Variants in MEF2C observed in about 807,000 individuals in gnomAD.
The protein encoded by MEF2C is myocyte-specific enhancer factor 2C.
Under a neutral mutation model 50.5 loss-of-function variants are expected in MEF2C, and 6 were observed. The ratio of observed to expected loss-of-function variants is 0.12; its 90% confidence interval spans 0.07 to 0.23. The LOEUF is 0.23. MEF2C is among the 10% of genes least tolerant of loss of function. The pLI is 1.00. For missense variants in MEF2C, 276 were observed against 605.0 expected (o/e 0.46, Z 5.70); for synonymous variants, 183 against 228.0 (o/e 0.80, Z 1.78).
At position 88,732,041 on chromosome 5, in the gene MEF2C, C is replaced by G. The variant is rs557119525; in HGVS notation, c.638-140G>C. The G allele has an allele frequency of 5.1e-5, 39 of 768,220 alleles. 1 individual carries two copies. The South Asian group carries it at 5.8e-4, about 11-fold the overall frequency. The allele number at this position is 768,220 out of a possible 1,614,324, so 47.6% of individuals were successfully genotyped here. A position where few individuals can be genotyped will look rare whatever the true frequency, so the allele number is the denominator to read the frequency against. ...AACCATAGGATGACTGATTTGACCTCCATGGGACAAGTAACCCAATTAAGT... is the reference window on the plus strand; with the variant it reads ...AACCATAGGATGACTGATTTGACCTGCATGGGACAAGTAACCCAATTAAGT... On this transcript the variant is annotated intron_variant, in intron 6 of 10. Transcript: ENST00000504921.
At chr5:88,734,561 G>GTTTTTTTTTTTTTTTTTTTTTTTTTTTTT (rs1554103551) in intron 6 of MEF2C, 1 of 244,240 alleles carries the variant, frequency 4.1e-6, no homozygotes. Context: ...CTTGAGAAAA[G>GTTTTTTTTTTTTTTTTTTTTTTTTTTTTT]TTTGTTTTTT....
intron 10 of MEF2C, among the ~76,000 whole-genome samples, chr5:88,725,494 G>A (rs140394531): frequency 6.6e-6 from 1 of 152,158 alleles, no homozygotes; most frequent in Non-Finnish European, 1.5e-5. Flanking sequence ...TGGTCTACTT[G>A]AGAACAAAAT....
At chr5:88,794,962 G>A (rs1170167973) in intron 3 of MEF2C, among the ~76,000 whole-genome samples, 1 of 152,078 alleles carries the variant, frequency 6.6e-6, no homozygotes, top group Non-Finnish European at 1.5e-5. Flanking sequence ...TAGATGTGTG[G>A]CATTATTTCT....
chr5:88,763,460 T>C (rs1045124803), intron 3 of MEF2C, among the ~76,000 whole-genome samples: 1 of 152,236 alleles, frequency 6.6e-6, no homozygotes, highest in Non-Finnish European at 1.5e-5. Context: ...ATAACTATTG[T>C]ATTATGATGT....
At chr5:88,872,250 C>G (rs980640521) in intron 1 of MEF2C, among the ~76,000 whole-genome samples, 1 of 152,026 alleles carries the variant, frequency 6.6e-6, no homozygotes, top group Non-Finnish European at 1.5e-5. Flanking sequence ...AACATTTCCT[C>G]CAAACTGAAC....
intron 3 of MEF2C, among the ~76,000 whole-genome samples, chr5:88,769,051 C>T (rs747374032): frequency 3.0e-4 from 46 of 152,036 alleles, no homozygotes; most frequent in Non-Finnish European, 1.0e-4. Context: ...AAAAGTGTAG[C>T]TGAAAGAGGG....
intron 1 of MEF2C, among the ~76,000 whole-genome samples, chr5:88,901,726 T>C (rs947664106): frequency 2.8e-4 from 43 of 152,096 alleles, no homozygotes; most frequent in Non-Finnish European, 5.3e-4. Context: ...ATAGGTTTTT[T>C]TGTGACACAA....
chr5:88,773,379 C>A (rs774501412), intron 3 of MEF2C, among the ~76,000 whole-genome samples: 6 of 152,180 alleles, frequency 3.9e-5, no homozygotes, highest in Non-Finnish European at 7.4e-5. Flanking sequence ...ACCCCACCAT[C>A]CCCCATCCTC....
intron 1 of MEF2C, chr5:88,881,164 G>A (rs962383861): frequency 2.6e-5 from 4 of 152,148 alleles, no homozygotes; most frequent in Non-Finnish European, 5.9e-5. Flanking sequence ...TTAAGCAAAT[G>A]TTATGTTTAA....
intron 1 of MEF2C, among the ~76,000 whole-genome samples, chr5:88,857,931 A>C (rs1824054278): frequency 6.6e-6 from 1 of 152,248 alleles, no homozygotes; most frequent in Admixed American, 6.5e-5. Context: ...TTATGGTCCA[A>C]GTCTAGAGGA....
chr5:88,811,450 T>TC (rs1290833222), intron 2 of MEF2C, among the ~76,000 whole-genome samples: 1 of 152,120 alleles, frequency 6.6e-6, no homozygotes, highest in Non-Finnish European at 1.5e-5. Context: ...TAGAAGGGGC[T>TC]CCTGAATTAA....
chr5:88,845,172 T>C (rs543687766), intron 1 of MEF2C, among the ~76,000 whole-genome samples: 2 of 152,336 alleles, frequency 1.3e-5, no homozygotes, highest in Admixed American at 1.3e-4. Context: ...GAATGAACAT[T>C]ACAAATAACG....
At chr5:88,738,160 G>T in intron 6 of MEF2C, 5 of 985,270 alleles carry the variant, frequency 5.1e-6, no homozygotes, top group Non-Finnish European at 6.0e-6. Context: ...ACCCTACAGA[G>T]CCTTAGTTTT....
chr5:88,807,338 C>T (rs1190166212), intron 2 of MEF2C, among the ~76,000 whole-genome samples: 1 of 152,160 alleles, frequency 6.6e-6, no homozygotes, highest in Non-Finnish European at 1.5e-5. Flanking sequence ...ATCCTCCCGC[C>T]TCAACCTCCG....
At chr5:88,848,946 T>C (rs1820287852) in intron 1 of MEF2C, among the ~76,000 whole-genome samples, 1 of 151,612 alleles carries the variant, frequency 6.6e-6, no homozygotes, top group African/African-American at 2.4e-5. Context: ...AGGTCAGGAG[T>C]TCGAGACCAG....
At chr5:88,857,557 G>A (rs1031774780) in intron 1 of MEF2C, among the ~76,000 whole-genome samples, 4 of 152,160 alleles carry the variant, frequency 2.6e-5, no homozygotes, top group Admixed American at 1.3e-4. Flanking sequence ...GTCTTATCTC[G>A]AATTATAGGT....
intron 1 of MEF2C, among the ~76,000 whole-genome samples, chr5:88,871,028 AAT>A (rs1329418818): frequency 6.6e-6 from 1 of 152,106 alleles, no homozygotes; most frequent in Non-Finnish European, 1.5e-5. Context: ...CAGTTGGCTC[AAT>A]AGCGGTAGAG....
At chr5:88,775,039 G>A (rs967769028) in intron 3 of MEF2C, among the ~76,000 whole-genome samples, 1 of 152,182 alleles carries the variant, frequency 6.6e-6, no homozygotes, top group Non-Finnish European at 1.5e-5. Flanking sequence ...ACTGGGCCCT[G>A]GGAATTTCAT....
intron 1 of MEF2C, among the ~76,000 whole-genome samples, chr5:88,858,113 A>G (rs1320617856): frequency 6.6e-6 from 1 of 152,224 alleles, no homozygotes; most frequent in Non-Finnish European, 1.5e-5. Context: ...GCATTTCTTG[A>G]TAATGAAATC....
Sources: allele counts gnomAD v4.1 joint callset (sites outside exome capture counted in the v4.1 genomes callset), GRCh38; gene constraint gnomAD v4.1.1; transcripts MANE v1.5; gene names NCBI Gene and HGNC (gene_info 2026-07-23, HGNC 2026-07-21).